Variants in KCNIP4 observed in about 807,000 individuals in gnomAD.
The protein encoded by KCNIP4 is Kv channel-interacting protein 4.
In KCNIP4, 12 loss-of-function variants were observed where a neutral mutation model predicts 34.0. The ratio of observed to expected loss-of-function variants is 0.35; its 90% confidence interval spans 0.23 to 0.57. The LOEUF (loss-of-function observed/expected upper bound fraction) is 0.57, where lower values mean the gene tolerates loss of function less well. Among genes scored for constraint, KCNIP4 ranks in the 20% least tolerant of loss-of-function variants. KCNIP4 has a pLI of 0.83. For synonymous variants in KCNIP4, 124 were observed against 102.2 expected, an observed-to-expected ratio of 1.21 and a Z score of -1.29; for missense variants, 238 against 311.7, an observed-to-expected ratio of 0.76 and a Z score of 1.78.
intron 1 of KCNIP4, among the ~76,000 whole-genome samples, chr4:21,473,731 TAA>T (rs1400187485): frequency 6.6e-6 from 1 of 151,216 alleles, no homozygotes; most frequent in African/African-American, 2.4e-5. Flanking sequence ...TTTTTTTTTT[TAA>T]GACAGAGTCT....
chr4:21,933,358 G>T (rs1180910499), intron 1 of KCNIP4, among the ~76,000 whole-genome samples: 1 of 151,908 alleles, frequency 6.6e-6, no homozygotes, highest in Non-Finnish European at 1.5e-5. Flanking sequence ...TTTTTGCAGG[G>T]GTGGAATGGG....
At chr4:21,296,320 C>A (rs1381595816) in intron 1 of KCNIP4, among the ~76,000 whole-genome samples, 1 of 151,690 alleles carries the variant, frequency 6.6e-6, no homozygotes, top group Non-Finnish European at 1.5e-5. Flanking sequence ...TGAGTGACAG[C>A]ATCTTACAAG....
chr4:20,824,869 A>G (rs1717542999), intron 3 of KCNIP4, among the ~76,000 whole-genome samples: 1 of 152,116 alleles, frequency 6.6e-6, no homozygotes, highest in African/African-American at 2.4e-5. Context: ...GATAACCCAG[A>G]TAACTTGGTT....
chr4:21,617,604 GC>G (rs1188425116), intron 1 of KCNIP4, among the ~76,000 whole-genome samples: 2 of 152,178 alleles, frequency 1.3e-5, no homozygotes, highest in Middle Eastern at 3.4e-3. Flanking sequence ...TGATTTTCCT[GC>G]TTTTTACTTT....
intron 1 of KCNIP4, among the ~76,000 whole-genome samples, chr4:21,098,910 A>T (rs1310597581): frequency 6.6e-6 from 1 of 152,220 alleles, no homozygotes; most frequent in Non-Finnish European, 1.5e-5. Context: ...AATCAAAACC[A>T]CAATGAGATA....
At chr4:21,114,673 A>G (rs1749535231) in intron 1 of KCNIP4, among the ~76,000 whole-genome samples, 1 of 152,190 alleles carries the variant, frequency 6.6e-6, no homozygotes, top group Non-Finnish European at 1.5e-5. Flanking sequence ...CCAATACTAA[A>G]TATTCACTAC....
intron 1 of KCNIP4, among the ~76,000 whole-genome samples, chr4:21,839,885 G>A (rs1056455612): frequency 4.6e-5 from 7 of 152,192 alleles, no homozygotes; most frequent in Non-Finnish European, 1.0e-4. Context: ...TGGTGTGTGG[G>A]TTATTATGCA....
chr4:21,505,518 G>C (rs2109904080), intron 1 of KCNIP4, among the ~76,000 whole-genome samples: 1 of 152,226 alleles, frequency 6.6e-6, no homozygotes, highest in African/African-American at 2.4e-5. Context: ...CCCTCTGCCT[G>C]GGACTTCTGG....
intron 1 of KCNIP4, among the ~76,000 whole-genome samples, chr4:21,147,956 A>AAAAAAAAAAAAAG (rs1553945843): frequency 3.9e-5 from 5 of 128,368 alleles, no homozygotes; most frequent in African/African-American, 9.2e-5. Flanking sequence ...AAAAAAAAAA[A>AAAAAAAAAAAAAG]AAAAGAAAAA....
chr4:21,502,952 G>T (rs1733488757), intron 1 of KCNIP4, among the ~76,000 whole-genome samples: 1 of 151,984 alleles, frequency 6.6e-6, no homozygotes, highest in South Asian at 2.1e-4. Flanking sequence ...AACACCTTCT[G>T]TTTTCTATTA....
At chr4:21,096,786 T>C (rs986888378) in intron 1 of KCNIP4, among the ~76,000 whole-genome samples, 4 of 152,234 alleles carry the variant, frequency 2.6e-5, no homozygotes, top group African/African-American at 9.6e-5. Context: ...TCCAAATGTT[T>C]AATAAAGCCT....
At chr4:21,053,881 C>T (rs549125532) in intron 1 of KCNIP4, among the ~76,000 whole-genome samples, 2 of 152,146 alleles carry the variant, frequency 1.3e-5, no homozygotes, top group Non-Finnish European at 2.9e-5. Context: ...AAGTGGAGAG[C>T]TATCCCATGC....
At chr4:21,837,974 T>C (rs1337698969) in intron 1 of KCNIP4, among the ~76,000 whole-genome samples, 1 of 152,186 alleles carries the variant, frequency 6.6e-6, no homozygotes, top group African/African-American at 2.4e-5. Context: ...TTACATTAAA[T>C]TGTGTTTAAA....
intron 1 of KCNIP4, among the ~76,000 whole-genome samples, chr4:21,362,184 A>G (rs553620286): frequency 1.3e-5 from 2 of 152,312 alleles, no homozygotes; most frequent in South Asian, 4.1e-4. Context: ...GTAAAATTCA[A>G]GCTGACATAC....
intron 1 of KCNIP4, among the ~76,000 whole-genome samples, chr4:21,233,999 AATATATAAC>A (rs1236054093): frequency 2.3e-4 from 26 of 114,230 alleles, no homozygotes; most frequent in South Asian, 7.7e-4. Flanking sequence ...TAACATGTAT[AATATATAAC>A]ATATATAACA....
At chr4:21,650,573 G>A (rs1450620545) in intron 1 of KCNIP4, among the ~76,000 whole-genome samples, 1 of 152,154 alleles carries the variant, frequency 6.6e-6, no homozygotes, top group African/African-American at 2.4e-5. Context: ...TCAGGAAAGA[G>A]GGGTCAGACA....
intron 1 of KCNIP4, among the ~76,000 whole-genome samples, chr4:21,772,170 A>G (rs1718841005): frequency 6.6e-6 from 1 of 152,132 alleles, no homozygotes; most frequent in Non-Finnish European, 1.5e-5. Flanking sequence ...TTCTGCATCT[A>G]TTGAGATAAT....
rs1361261737 is a variant in KCNIP4 at position 21,676,919 on chromosome 4, A to G, written c.61+271652T>C. The stretch of plus-strand genomic sequence containing the variant: ...AGGTTTTTTAAAGGAAAGAGCAAAA[A>G]TATCTCTAAGAGTTATAACTGAGAT... On this transcript the variant is annotated intron_variant, in intron 1 of 8. Coordinates refer to ENST00000382152, the MANE Select transcript of KCNIP4 (RefSeq NM_025221.6). 2.0e-5 allele frequency among the ~76,000 whole-genome samples: 3 copies of G among 152,206 alleles called. No individual in the cohort carries two copies. In the East Asian group the frequency reaches 5.8e-4, roughly 29 times the overall value.
At chr4:21,382,085 T>C (rs191278388) in intron 1 of KCNIP4, among the ~76,000 whole-genome samples, 7 of 152,208 alleles carry the variant, frequency 4.6e-5, no homozygotes, top group Non-Finnish European at 7.4e-5. Flanking sequence ...TTGGGATGTA[T>C]GCAGGATGTG....
Sources: allele counts gnomAD v4.1 joint callset (sites outside exome capture counted in the v4.1 genomes callset), GRCh38; gene constraint gnomAD v4.1.1; transcripts MANE v1.5; gene names NCBI Gene and HGNC (gene_info 2026-07-23, HGNC 2026-07-21).